Variants in SLC19A1 observed in about 807,000 individuals in gnomAD.
SLC19A1 encodes solute carrier family 19 member 1, also known as reduced folate transporter.
A neutral mutation model predicts 35.3 loss-of-function variants in SLC19A1; 37 were observed. The ratio of observed to expected loss-of-function variants is 1.05; its 90% confidence interval spans 0.81 to 1.38. The LOEUF (loss-of-function observed/expected upper bound fraction) is 1.38. SLC19A1 is among the 40% of genes most tolerant of loss of function. The pLI is 0.00. For synonymous variants in SLC19A1, 460 were observed against 398.5 expected (o/e 1.15, Z -1.84); for missense variants, 831 against 826.9 (o/e 1.00, Z -0.06).
In SLC19A1 at chr21:45,540,059, C is replaced by T. The variant is rs1418053474; in HGVS notation, c.-49-2051G>A. Among the ~76,000 whole-genome samples the T allele has an allele frequency of 1.3e-5, 2 of 152,152 alleles. No homozygotes were observed. The highest frequency in any genetic ancestry group is 2.9e-5 in the Non-Finnish European group (2 of 68,016). On this transcript the variant is annotated intron_variant, in intron 1 of 5. Transcript: ENST00000311124. The surrounding 1 kb of genome is among the most constrained non-coding windows in gnomAD (Gnocchi z 5.5). ...TGACGGTCGCCTGCCTCGGCCTCAC[C>T]TTCCATGCCTCCTCAGGGCCTGTCA...
chr21:45,556,808 G>A (rs371314144), intron 1 of SLC19A1, among the ~76,000 whole-genome samples: 85 of 152,346 alleles, frequency 5.6e-4, no homozygotes, highest in African/African-American at 1.9e-3. Context: ...GGAGAGAGGC[G>A]GGGTGGAGGG....
upstream of SLC19A1, among the ~76,000 whole-genome samples, chr21:45,545,938 TG>T (rs1394481231): frequency 6.6e-6 from 1 of 152,232 alleles, no homozygotes; most frequent in Non-Finnish European, 1.5e-5. Context: ...AGTGGGTCTC[TG>T]CTGCAGCTGC....
chr21:45,525,625 C>G (rs547322689), intron 5 of SLC19A1, among the ~76,000 whole-genome samples, 192 bp downstream of exon 5: 1 of 152,336 alleles, frequency 6.6e-6, no homozygotes, highest in South Asian at 2.1e-4. Flanking sequence ...CCGCCCACAA[C>G]AACTGAGCCC....
chr21:45,529,636 C>T (rs1289053481), intron 4 of SLC19A1, among the ~76,000 whole-genome samples: 1 of 147,438 alleles, frequency 6.8e-6, no homozygotes, highest in South Asian at 2.2e-4. Context: ...CATGTGTAAA[C>T]GTGTGGTGTG....
At chr21:45,525,793 G>T in intron 5 of SLC19A1, 24 bp downstream of exon 5, 1 of 1,611,272 alleles carries the variant, frequency 6.2e-7, no homozygotes, top group East Asian at 2.2e-5. Context: ...CATCCCCGAG[G>T]ACGCAGGCCT....
In SLC19A1 at chr21:45,534,489, C is replaced by T; in HGVS notation, c.190-2341G>A. 2 of 1,407,488 alleles carry T rather than the reference C, an allele frequency of 1.4e-6. No homozygotes were observed. The highest frequency in any genetic ancestry group is 1.9e-6 in the Non-Finnish European group (2 of 1,030,018). The allele number at this position is 1,407,488 out of a possible 1,614,324, so 87.2% of individuals were successfully genotyped here. A position where few individuals can be genotyped will look rare whatever the true frequency, so the allele number is the denominator to read the frequency against. On this transcript the variant is annotated intron_variant, in intron 2 of 5. Coordinates refer to ENST00000311124, the MANE Select transcript of SLC19A1 (RefSeq NM_194255.4). This position sits in a 1 kb window ranked among gnomAD's most constrained non-coding sequence, Gnocchi z 4.2. ...CAGCAGAGAGGCTCTCCCCAGACCC[C>T]ACGGCTCTCTGGAAAAGGGCGGCCA... is the stretch of plus-strand genomic sequence containing the variant.
At chr21:45,547,763 C>A (rs1477704029), upstream of SLC19A1, among the ~76,000 whole-genome samples, 1 of 152,196 alleles carries the variant, frequency 6.6e-6, no homozygotes, top group African/African-American at 2.4e-5. Flanking sequence ...TGCCCAGTCA[C>A]CTTGGACGCA....
Position 45,516,099 on chromosome 21 carries a change from G to C in SLC19A1, c.1335C>G (p.Ile445Met), listed in dbSNP as rs765818034. 1.0e-4 allele frequency: 167 copies of C among 1,606,164 alleles called. No homozygotes were observed. The highest frequency in any genetic ancestry group is 1.3e-4 in the African/African-American group (10 of 74,904). The part of the protein sequence containing the change: ...YSVYFLILSI[I>M]YFLGAMLDGL... ...CATCCAGCATGGCCCCCAAGAAGTA[G>C]ATGATGGACAGGATCAGGAAGTACA... Residue 445 changes from isoleucine to methionine, a missense_variant, in exon 6 of 6, where the codon ATC (isoleucine) becomes ATG (methionine). Transcript: ENST00000311124.
chr21:45,558,190 CG>C (rs2078582456), intron 1 of SLC19A1, among the ~76,000 whole-genome samples: 1 of 152,240 alleles, frequency 6.6e-6, no homozygotes, highest in African/African-American at 2.4e-5. Context: ...GGACTCCACA[CG>C]GCTGGTGACA....
At chr21:45,503,189 A>G (rs1447685002) in intron 3 of SLC19A1, among the ~76,000 whole-genome samples, 1 of 152,196 alleles carries the variant, frequency 6.6e-6, no homozygotes, top group African/African-American at 2.4e-5. Context: ...TCCCACCAAC[A>G]GTGTAAAAGT....
chr21:45,521,491 G>A (rs974422983), intron 5 of SLC19A1, among the ~76,000 whole-genome samples: 2 of 152,170 alleles, frequency 1.3e-5, no homozygotes, highest in African/African-American at 2.4e-5. Flanking sequence ...ATCTGAGCAG[G>A]AATTTTTGTA....
intron 5 of SLC19A1, among the ~76,000 whole-genome samples, chr21:45,520,037 A>G (rs1386431207): frequency 1.3e-5 from 2 of 152,220 alleles, no homozygotes; most frequent in African/African-American, 4.8e-5. Flanking sequence ...CAAAAAAGAA[A>G]TTAATAACAG....
At chr21:45,520,441 A>G (rs539819328) in intron 5 of SLC19A1, among the ~76,000 whole-genome samples, 3 of 152,384 alleles carry the variant, frequency 2.0e-5, no homozygotes, top group African/African-American at 4.8e-5. Flanking sequence ...TTTAAAAAAC[A>G]AAGGCCAAAA....
chr21:45,515,193 C>T lies in SLC19A1; in HGVS notation c.*465G>A. ...AAAAAAAAAGCATCTTTCAAAAAAG[C>T]AAGAGCACCAAGGATGACCAGCAAT... On this transcript the variant is annotated 3_prime_UTR_variant, in exon 6 of 6. Transcript: ENST00000311124. The T allele has an allele frequency of 6.6e-7, 1 of 1,522,200 alleles. No individual in the cohort carries two copies. Among genetic ancestry groups the T allele is most frequent in the Non-Finnish European group, 8.8e-7 (1 of 1,140,848 alleles). 94.3% of individuals were successfully genotyped at this position (1,522,200 alleles called of 1,614,324 possible). A position where few individuals can be genotyped will look rare whatever the true frequency, so the allele number is the denominator to read the frequency against.
chr21:45,521,020 C>CAAAA (rs55910547), intron 5 of SLC19A1, among the ~76,000 whole-genome samples: 1 of 115,494 alleles, frequency 8.7e-6, no homozygotes, highest in Non-Finnish European at 1.9e-5. Flanking sequence ...AACTCCATCT[C>CAAAA]AAAAAAAAAA....
At chr21:45,556,400 C>A (rs572525479) in intron 1 of SLC19A1, among the ~76,000 whole-genome samples, 1 of 152,380 alleles carries the variant, frequency 6.6e-6, no homozygotes, top group African/African-American at 2.4e-5. Context: ...GCAGCTCGGC[C>A]TCCCCCGCTG....
chr21:45,525,196 A>G (rs1325021914), intron 5 of SLC19A1, among the ~76,000 whole-genome samples: 1 of 152,180 alleles, frequency 6.6e-6, no homozygotes, highest in Non-Finnish European at 1.5e-5. Flanking sequence ...AGGTGGACAA[A>G]GCCCTTGTCC....
intron 3 of SLC19A1, chr21:45,505,944 A>C (rs769138452): frequency 6.2e-7 from 1 of 1,613,270 alleles, no homozygotes; most frequent in African/African-American, 1.3e-5. Context: ...GTCCGCGTGC[A>C]GAACGGGTTC....
At chr21:45,510,254 A>T, downstream of SLC19A1, 3 of 1,604,342 alleles carry the variant, frequency 1.9e-6, no homozygotes, top group Non-Finnish European at 2.6e-6. Flanking sequence ...CCCATCGTCA[A>T]CCTCAAGGTG....
Sources: gnomAD v4.1 joint callset for allele counts (sites outside exome capture counted in the v4.1 genomes callset) on GRCh38, gnomAD v4.1.1 for gene constraint, Gnocchi (gnomAD v3.1) non-coding constraint, MANE v1.5 for transcripts, NCBI Gene and HGNC (gene_info 2026-07-23, HGNC 2026-07-21) for gene names.